The following GLIS3 variants were observed in gnomAD, a reference collection of about 807,000 sequenced individuals.
The protein encoded by GLIS3 is zinc finger protein GLIS3.
GLIS3 carries 53 observed loss-of-function variants against 78.6 expected under a neutral mutation model. The ratio of observed to expected loss-of-function variants is 0.67; its 90% CI spans 0.54 to 0.85. GLIS3 has a LOEUF of 0.85. Ranked by LOEUF, GLIS3 falls within the 40% of genes least tolerant of loss-of-function variation. GLIS3 has a pLI of 0.00. For synonymous variants in GLIS3, 684 were observed against 509.9 expected (o/e 1.34, Z -4.60); for missense variants, 1,703 against 1,231.1 (o/e 1.38, Z -5.74).
intron 4 of GLIS3, among the ~76,000 whole-genome samples, chr9:4,010,475 C>T (rs1168257522): frequency 6.6e-6 from 1 of 152,132 alleles, no homozygotes; most frequent in Non-Finnish European, 1.5e-5. Flanking sequence ...TGCAGGGCTC[C>T]AGGTTATGGT....
At position 4,118,277 on chromosome 9, in the gene GLIS3, C is replaced by T. The variant is rs1436820151; in HGVS notation, c.1201G>A (p.Gly401Ser). The change falls in exon 4 of 11, where the codon GGC becomes AGC. Residue 401 changes from glycine (G) to serine (S), a missense_variant. Physicochemically the swap from Gly to Ser is moderately conservative, Grantham distance 56. Transcript: ENST00000381971. The surrounding 1 kb of genome is among the most constrained non-coding windows in gnomAD (Gnocchi z 4.7). ...TTGACCAGGCCTGGCTGCAGGCCGC[C>T]GTGCTCCAGCTGTTGCATGCGCTCG... ...EHERMQQLEH[G>S]GLQPGLVNHM... The T allele has an allele frequency of 6.3e-7, 1 of 1,585,028 alleles. No homozygotes were observed. Among genetic ancestry groups the T allele is most frequent in the Non-Finnish European group, 8.6e-7 (1 of 1,166,728 alleles).
chr9:4,036,226 G>T (rs1389012721), intron 4 of GLIS3, among the ~76,000 whole-genome samples: 1 of 151,884 alleles, frequency 6.6e-6, no homozygotes, highest in African/African-American at 2.4e-5. Flanking sequence ...TTTTGTTTTT[G>T]TTGTTTGTTT....
chr9:4,269,011 C>T (rs1049886032), intron 2 of GLIS3, among the ~76,000 whole-genome samples: 2 of 152,162 alleles, frequency 1.3e-5, no homozygotes, highest in Admixed American at 6.5e-5. Flanking sequence ...TTAAAAATAA[C>T]CATAGCAGCC....
rs146972351 is a variant in GLIS3, at chr9:4,042,771, A to G, written c.1710+74997T>C. On this transcript the variant is annotated intron_variant, in intron 4 of 10. Transcript: ENST00000381971. ...ATGGCAGTATTCTTTGGAAAACAATATATGATTTTAGTGACAATAAAAGCA... is the reference window on the plus strand; with the variant it reads ...ATGGCAGTATTCTTTGGAAAACAATGTATGATTTTAGTGACAATAAAAGCA... Among the ~76,000 whole-genome samples, 826 of 152,298 alleles carry G rather than the reference A, an allele frequency of 5.4e-3. 8 individuals are homozygous for G. Among genetic ancestry groups the G allele is most frequent in the African/African-American group, 0.019 (799 of 41,574 alleles).
the GLIS3 span, among the ~76,000 whole-genome samples, chr9:4,469,544 C>T: frequency 6.6e-6 from 1 of 152,084 alleles, no homozygotes; most frequent in African/African-American, 2.4e-5. Flanking sequence ...CTACTGGGTA[C>T]AAAACGAAAT....
At chr9:4,036,449 A>G (rs515380) in intron 4 of GLIS3, among the ~76,000 whole-genome samples, 71,615 of 151,950 alleles carry the variant, frequency 0.47, 17,381 homozygotes, top group East Asian at 0.57. Flanking sequence ...ATGATTGACA[A>G]CTTGAATTGA....
chr9:3,867,626 A>G (rs1052191758), intron 8 of GLIS3, among the ~76,000 whole-genome samples: 9 of 152,112 alleles, frequency 5.9e-5, no homozygotes, highest in South Asian at 2.1e-4. Context: ...TTTCATCTCC[A>G]TTTTCAAAAA....
chr9:4,078,023 C>T (rs1019867468), intron 4 of GLIS3, among the ~76,000 whole-genome samples: 2 of 152,052 alleles, frequency 1.3e-5, no homozygotes, highest in Non-Finnish European at 2.9e-5. Context: ...TTATAGTGAG[C>T]TCTCTGTTAA....
At position 4,117,875 on chromosome 9, in the gene GLIS3, T is replaced by G. The variant is rs779645810; in HGVS notation, c.1603A>C (p.Thr535Pro). 2.8e-5 allele frequency: 45 copies of G among 1,614,002 alleles called. No individual in the cohort carries two copies. The highest frequency in any genetic ancestry group is 3.8e-5 in the Non-Finnish European group (45 of 1,180,034). Residue 535 changes from threonine to proline, a missense_variant, in exon 4 of 11, where the codon ACT (threonine) becomes CCT (proline). By Grantham distance (38) the Thr-to-Pro change is conservative. Transcript: ENST00000381971. Reference protein sequence around the residue: ...HIDQRKGEDFTCFWAGCPRRY... With the variant: ...HIDQRKGEDFPCFWAGCPRRY... ...CGAGGGCAACCGGCCCAGAAGCAAGTGAAGTCCTCCCCTTTGCGCTGGTCG... is the reference window on the plus strand; with the variant it reads ...CGAGGGCAACCGGCCCAGAAGCAAGGGAAGTCCTCCCCTTTGCGCTGGTCG...
chr9:4,061,859 G>T (rs1189162964), intron 4 of GLIS3, among the ~76,000 whole-genome samples: 1 of 152,194 alleles, frequency 6.6e-6, no homozygotes, highest in Non-Finnish European at 1.5e-5. Flanking sequence ...CAATGCACAT[G>T]TTACCGTGCT....
intron 3 of GLIS3, among the ~76,000 whole-genome samples, chr9:4,122,935 C>T (rs1328005658): frequency 6.6e-6 from 1 of 152,134 alleles, no homozygotes; most frequent in African/African-American, 2.4e-5. Flanking sequence ...GTATAGTTTG[C>T]ATTTATCATT....
At chr9:4,344,991 T>C (rs1387986760) in intron 2 of GLIS3, among the ~76,000 whole-genome samples, 1 of 152,246 alleles carries the variant, frequency 6.6e-6, no homozygotes, top group Non-Finnish European at 1.5e-5. Flanking sequence ...ATTAGTTACC[T>C]GGCTGGTCTC....
At chr9:4,119,256 T>C (rs2130885678) in intron 3 of GLIS3, among the ~76,000 whole-genome samples, 1 of 152,322 alleles carries the variant, frequency 6.6e-6, no homozygotes, top group East Asian at 1.9e-4. Flanking sequence ...GCCAACCAAA[T>C]AAGTATTTGT....
chr9:3,966,658 G>C (rs1164678247), intron 4 of GLIS3, among the ~76,000 whole-genome samples: 1 of 151,844 alleles, frequency 6.6e-6, no homozygotes, highest in African/African-American at 2.4e-5. Flanking sequence ...GCCAGGCATG[G>C]TGGCGCACGC....
At chr9:4,440,962 T>G in the GLIS3 span, among the ~76,000 whole-genome samples, 2 of 152,276 alleles carry the variant, frequency 1.3e-5, no homozygotes, top group Admixed American at 1.3e-4. Context: ...TAGTTTGCTA[T>G]TAGCATATAG....
At chr9:3,979,671 C>A (rs188407616) in intron 4 of GLIS3, among the ~76,000 whole-genome samples, 1 of 152,198 alleles carries the variant, frequency 6.6e-6, no homozygotes, top group East Asian at 1.9e-4. Context: ...ACTTACCACA[C>A]AGTTTTATGG....
chr9:4,351,637 T>C (rs1411398937), upstream of GLIS3, among the ~76,000 whole-genome samples: 1 of 152,198 alleles, frequency 6.6e-6, no homozygotes, highest in African/African-American at 2.4e-5. Flanking sequence ...AGTTCGGTAA[T>C]GATGAACATC....
intron 2 of GLIS3, among the ~76,000 whole-genome samples, chr9:4,187,480 C>T (rs531876242): frequency 0.035 from 5,382 of 152,158 alleles, 314 homozygotes; most frequent in African/African-American, 0.12. Context: ...GCGATGTGGG[C>T]TCTTTTTTGG....
chr9:4,313,350 G>T (rs1817393245), intron 2 of GLIS3, among the ~76,000 whole-genome samples: 1 of 152,102 alleles, frequency 6.6e-6, no homozygotes, highest in Admixed American at 6.5e-5. Context: ...CAGCCATTCT[G>T]CTCACTGTGC....
Sources: gnomAD v4.1 joint callset for allele counts (sites outside exome capture counted in the v4.1 genomes callset) on GRCh38, gnomAD v4.1.1 for gene constraint, Gnocchi (gnomAD v3.1) non-coding constraint, MANE v1.5 for transcripts, NCBI Gene and HGNC (gene_info 2026-07-23, HGNC 2026-07-21) for gene names.